LRRC4B: variants seen among roughly 807,000 people sequenced by gnomAD.
LRRC4B encodes the protein leucine-rich repeat-containing protein 4B.
In LRRC4B, 1 loss-of-function variant was observed where a neutral mutation model predicts 7.3. The observed-to-expected ratio is 0.14, with a 90% CI of 0.05 to 0.65. The LOEUF is 0.65. Among genes scored for constraint, LRRC4B ranks in the 30% least tolerant of loss-of-function variants. The pLI is 0.84. For synonymous variants in LRRC4B, 500 were observed against 499.2 expected, an observed-to-expected ratio of 1.00 and a Z score of -0.02; for missense variants, 730 against 1,041.6, an observed-to-expected ratio of 0.70 and a Z score of 4.12.
chr19:50,525,402 C>T (rs987678101), intron 2 of LRRC4B, among the ~76,000 whole-genome samples: 6 of 145,150 alleles, frequency 4.1e-5, no homozygotes, highest in Admixed American at 2.1e-4. Flanking sequence ...GGCCAAGAAC[C>T]GTACTTTTTT....
At chr19:50,561,162 C>T (rs1167997619) in intron 1 of LRRC4B, among the ~76,000 whole-genome samples, 1 of 152,084 alleles carries the variant, frequency 6.6e-6, no homozygotes, top group Non-Finnish European at 1.5e-5. Flanking sequence ...ATGACTCAGC[C>T]CCCTCCCCAC....
At chr19:50,530,933 G>GA (rs1039920957) in intron 2 of LRRC4B, among the ~76,000 whole-genome samples, 4 of 150,852 alleles carry the variant, frequency 2.7e-5, no homozygotes, top group African/African-American at 7.3e-5. Flanking sequence ...AAACCTGGGG[G>GA]GGGGGGGTCT....
Position 50,563,165 on chromosome 19 carries a change from G to A in LRRC4B, c.-36+4779C>T, listed in dbSNP as rs1982524921. ...GGCTCCCGCCTGCCTCCCGCAGTGA[G>A]CCCCCATCAGCCCCTCTCGTGGGTC... On this transcript the variant is annotated intron_variant, in intron 1 of 2. Coordinates refer to ENST00000652263, the MANE Select transcript of LRRC4B (RefSeq NM_001080457.2). The surrounding 1 kb of genome is among the most constrained non-coding windows in gnomAD (Gnocchi z 4.9). 6.6e-6 allele frequency among the ~76,000 whole-genome samples: 1 copy of A among 152,038 alleles called. No individual in the cohort carries two copies. Among genetic ancestry groups the A allele is most frequent in the Admixed American group, 6.6e-5 (1 of 15,264 alleles).
chr19:50,518,672 C>T lies in LRRC4B; in HGVS notation c.1041G>A (p.Lys347=). The change falls in exon 3 of 3, where the codon AAG becomes AAA. Residue 347 remains lysine, a synonymous_variant. Coordinates refer to ENST00000652263, the MANE Select transcript of LRRC4B (RefSeq NM_001080457.2). ...GGTCCAGCTCCCCAATGTAGCGCCCCTTGAGGCCGGCGGGCGCATGACAGC... is the reference window on the plus strand; with the variant it reads ...GGTCCAGCTCCCCAATGTAGCGCCCTTTGAGGCCGGCGGGCGCATGACAGC... The part of the protein sequence containing the change: ...CARCHAPAGL[K]GRYIGELDQS... 6.2e-7 allele frequency: 1 copy of T among 1,613,744 alleles called. No individual in the cohort carries two copies. Among genetic ancestry groups the T allele is most frequent in the Non-Finnish European group, 8.5e-7 (1 of 1,179,878 alleles).
intron 2 of LRRC4B, among the ~76,000 whole-genome samples, chr19:50,531,597 G>A (rs1981063121): frequency 6.6e-6 from 1 of 152,226 alleles, no homozygotes; most frequent in African/African-American, 2.4e-5. Flanking sequence ...GTGGCATAGG[G>A]CTGCTTTAAA....
At chr19:50,564,980 T>A (rs1982582171) in intron 1 of LRRC4B, among the ~76,000 whole-genome samples, 1 of 151,974 alleles carries the variant, frequency 6.6e-6, no homozygotes, top group Admixed American at 6.5e-5. Context: ...CAGGCTCTGC[T>A]TGTGAGAGAT....
At position 50,517,483 on chromosome 19, in the gene LRRC4B, G is replaced by A. The variant is rs1440277688; in HGVS notation, c.*88C>T. 7.4e-6 allele frequency: 9 copies of A among 1,214,684 alleles called. No individual in the cohort carries two copies. In the Admixed American group the frequency reaches 1.9e-4, roughly 25 times the overall value. The allele number at this position is 1,214,684 out of a possible 1,614,324, so 75.2% of individuals were successfully genotyped here. The stretch of plus-strand genomic sequence containing the variant: ...GTGGTCCCAGAAGGTGGGCTGGGCT[G>A]TGGGAGGGAGGGGTCCCGGTCAGGC... On this transcript the variant is annotated 3_prime_UTR_variant, in exon 3 of 3. Coordinates refer to ENST00000652263, the MANE Select transcript of LRRC4B (RefSeq NM_001080457.2). The surrounding 1 kb of genome is among the most constrained non-coding windows in gnomAD (Gnocchi z 6.6).
intron 1 of LRRC4B, among the ~76,000 whole-genome samples, chr19:50,559,690 C>T (rs34420760): frequency 0.56 from 85,552 of 152,200 alleles, 27,906 homozygotes; most frequent in East Asian, 0.87. Flanking sequence ...GACGCTGATC[C>T]GATCTGTTTT....
At chr19:50,551,174 G>A (rs1488909870) in intron 1 of LRRC4B, 3 of 137,174 alleles carry the variant, frequency 2.2e-5, no homozygotes, top group Non-Finnish European at 4.7e-5. Flanking sequence ...ACAACCCCAC[G>A]GTGGGGGACA....
chr19:50,544,004 G>C (rs1430263878), intron 2 of LRRC4B, among the ~76,000 whole-genome samples: 1 of 151,884 alleles, frequency 6.6e-6, no homozygotes, highest in Non-Finnish European at 1.5e-5. Flanking sequence ...TCAGGAGTTC[G>C]AGACCAGCCT....
intron 1 of LRRC4B, among the ~76,000 whole-genome samples, chr19:50,561,649 C>T (rs749802032): frequency 4.1e-4 from 62 of 152,236 alleles, no homozygotes; most frequent in Admixed American, 8.5e-4. Context: ...GCGGGAGGAT[C>T]GCTTGAGCCC....
In LRRC4B at chr19:50,523,365, T is replaced by TA. The variant is rs536150651; in HGVS notation, c.298-3951dup. On this transcript the variant is annotated intron_variant, in intron 2 of 2. Coordinates refer to ENST00000652263, the MANE Select transcript of LRRC4B (RefSeq NM_001080457.2). ...GAAGCTGAAGAATTAGGTATCAGAG[T>TA]ATATGCACCAAAAGAAAAAAGAGAA... 1.5e-3 allele frequency among the ~76,000 whole-genome samples: 222 copies of TA among 152,026 alleles called. 1 individual carries two copies. Among genetic ancestry groups the TA allele is most frequent in the African/African-American group, 5.0e-3 (209 of 41,488 alleles).
intron 2 of LRRC4B, among the ~76,000 whole-genome samples, chr19:50,535,408 G>T (rs74514863): frequency 6.6e-6 from 1 of 151,606 alleles, no homozygotes; most frequent in African/African-American, 2.4e-5. Flanking sequence ...CTGACCTCAG[G>T]TGATCTGCCT....
At chr19:50,552,703 C>CCCATCCGT (rs371884470) in intron 1 of LRRC4B, among the ~76,000 whole-genome samples, 11 of 77,240 alleles carry the variant, frequency 1.4e-4, no homozygotes, top group Non-Finnish European at 3.1e-4. Flanking sequence ...CATCCATCCG[C>CCCATCCGT]CCATCCGTCC....
At chr19:50,552,670 A>G (rs74176111) in intron 1 of LRRC4B, among the ~76,000 whole-genome samples, 12 of 134,192 alleles carry the variant, frequency 8.9e-5, no homozygotes, top group African/African-American at 3.2e-4. Context: ...CCATCCATCC[A>G]TCCATCCATC....
intron 2 of LRRC4B, among the ~76,000 whole-genome samples, chr19:50,547,443 C>T (rs1981862867): frequency 6.6e-6 from 1 of 151,908 alleles, no homozygotes; most frequent in African/African-American, 2.4e-5. Flanking sequence ...GCATTTCTTA[C>T]GGGAGCTGTT....
At chr19:50,564,235 T>C (rs1330569592) in intron 1 of LRRC4B, among the ~76,000 whole-genome samples, 1 of 152,118 alleles carries the variant, frequency 6.6e-6, no homozygotes. Context: ...CAGTCTAGAT[T>C]TTTATGCAAA....
chr19:50,543,064 C>T (rs557145175), intron 2 of LRRC4B, among the ~76,000 whole-genome samples: 4 of 152,258 alleles, frequency 2.6e-5, no homozygotes, highest in South Asian at 2.1e-4. Context: ...CGGCTCCCAC[C>T]GACAGATGGC....
intron 2 of LRRC4B, among the ~76,000 whole-genome samples, chr19:50,521,257 GT>G (rs1980567574): frequency 1.3e-5 from 2 of 152,098 alleles, no homozygotes; most frequent in South Asian, 4.1e-4. Flanking sequence ...CTCTGCGTGT[GT>G]GGGCAGGTGA....
Sources: gnomAD v4.1 joint callset for allele counts (sites outside exome capture counted in the v4.1 genomes callset) on GRCh38, gnomAD v4.1.1 for gene constraint, Gnocchi (gnomAD v3.1) non-coding constraint, MANE v1.5 for transcripts, NCBI Gene and HGNC (gene_info 2026-07-23, HGNC 2026-07-21) for gene names.